Variants in RBFOX3 observed in about 807,000 individuals in gnomAD.
RBFOX3 encodes the protein RNA binding protein fox-1 homolog 3.
In RBFOX3, 17 loss-of-function variants were observed where a neutral mutation model predicts 48.7. The observed-to-expected ratio is 0.35, with a 90% CI of 0.24 to 0.52. The LOEUF (loss-of-function observed/expected upper bound fraction) is 0.52. Among genes scored for constraint, RBFOX3 ranks in the 20% least tolerant of loss-of-function variants. The pLI, the probability that RBFOX3 is intolerant of heterozygous loss-of-function variation, is 0.94. For missense variants in RBFOX3, 382 were observed against 497.5 expected, an observed-to-expected ratio of 0.77 and a Z score of 2.21; for synonymous variants, 212 against 209.5, an observed-to-expected ratio of 1.01 and a Z score of -0.10.
chr17:79,395,637 G>T (rs2061898403), intron 2 of RBFOX3, among the ~76,000 whole-genome samples: 1 of 152,214 alleles, frequency 6.6e-6, no homozygotes, highest in Admixed American at 6.5e-5. Flanking sequence ...TGATCCAGGG[G>T]CTTCCAGTGG....
intron 2 of RBFOX3, among the ~76,000 whole-genome samples, chr17:79,458,196 C>T (rs1222526960): frequency 2.0e-5 from 3 of 152,248 alleles, no homozygotes; most frequent in African/African-American, 4.8e-5. Context: ...TCGGCGCACA[C>T]GGTTACCCTT....
chr17:79,354,739 G>A (rs561692641), intron 2 of RBFOX3, among the ~76,000 whole-genome samples: 8 of 152,320 alleles, frequency 5.3e-5, no homozygotes, highest in Non-Finnish European at 8.8e-5. Context: ...AGAGACTCAG[G>A]CACAGGGACC....
intron 4 of RBFOX3, among the ~76,000 whole-genome samples, chr17:79,210,941 C>T (rs2058297923): frequency 6.6e-6 from 1 of 152,026 alleles, no homozygotes; most frequent in Non-Finnish European, 1.5e-5. Flanking sequence ...CAGTGTCCTG[C>T]ACAGGTGTCC....
rs899762833 is a variant in RBFOX3 at position 79,242,134 on chromosome 17, C to T, written c.-73-6329G>A. On this transcript the variant is annotated intron_variant, in intron 3 of 14. Transcript: ENST00000693108. The surrounding 1 kb of genome is among the most constrained non-coding windows in gnomAD (Gnocchi z 5.8). ...GATTTATTTGGCATTGTACGAGTTC[C>T]TGCAGCAGAGGCACTGGTGCCAGGA... 6.6e-6 allele frequency among the ~76,000 whole-genome samples: 1 copy of T among 152,170 alleles called. No individual in the cohort carries two copies. The highest frequency in any genetic ancestry group is 1.5e-5 in the Non-Finnish European group (1 of 68,042).
At chr17:79,511,962 G>A (rs1599000888) in intron 1 of RBFOX3, among the ~76,000 whole-genome samples, 5 of 147,902 alleles carry the variant, frequency 3.4e-5, no homozygotes, top group African/African-American at 1.0e-4. Flanking sequence ...ATGGCCAGGG[G>A]ACACCCACCC....
At chr17:79,338,663 G>C (rs1335504252) in intron 2 of RBFOX3, among the ~76,000 whole-genome samples, 4 of 152,150 alleles carry the variant, frequency 2.6e-5, no homozygotes, top group African/African-American at 4.8e-5. Context: ...TAGAATCTGT[G>C]AGTTTACCAT....
chr17:79,551,763 C>T (rs997409081), intron 1 of RBFOX3, among the ~76,000 whole-genome samples: 204 of 152,274 alleles, frequency 1.3e-3, no homozygotes, highest in Non-Finnish European at 2.2e-3. Flanking sequence ...TCCTCTCTCA[C>T]CATGTGACAC....
intron 1 of RBFOX3, among the ~76,000 whole-genome samples, chr17:79,607,569 A>G (rs1419058868): frequency 1.3e-5 from 2 of 152,262 alleles, no homozygotes; most frequent in Admixed American, 6.5e-5. Flanking sequence ...AGCGTGACTT[A>G]TGCATTCCTT....
intron 3 of RBFOX3, among the ~76,000 whole-genome samples, chr17:79,295,932 G>A (rs1196333294): frequency 6.6e-6 from 1 of 152,050 alleles, no homozygotes; most frequent in Non-Finnish European, 1.5e-5. Context: ...TAATTGATGA[G>A]ACTTAAATAA....
chr17:79,091,832 G>A (rs1044214812), intron 14 of RBFOX3: 7 of 511,692 alleles, frequency 1.4e-5, no homozygotes, highest in African/African-American at 4.2e-5. Context: ...CGACCAGGAC[G>A]TGCCTTTCCA....
intron 2 of RBFOX3, among the ~76,000 whole-genome samples, chr17:79,340,090 G>A (rs773927380): frequency 2.0e-5 from 3 of 152,158 alleles, no homozygotes; most frequent in Non-Finnish European, 4.4e-5. Context: ...CCTGAGGCCA[G>A]GAGTTCGAGA....
intron 1 of RBFOX3, among the ~76,000 whole-genome samples, chr17:79,518,391 T>A (rs1188432924): frequency 1.3e-5 from 2 of 152,196 alleles, no homozygotes; most frequent in African/African-American, 4.8e-5. Flanking sequence ...CAGGCGGGGA[T>A]GGGGGCGCCT....
intron 1 of RBFOX3, among the ~76,000 whole-genome samples, chr17:79,544,873 AC>A (rs2090185004): frequency 6.7e-6 from 1 of 149,972 alleles, no homozygotes; most frequent in Non-Finnish European, 1.5e-5. Context: ...CAACACCCGC[AC>A]CCCAAACTCA....
chr17:79,597,827 C>A (rs2093605839), intron 1 of RBFOX3, among the ~76,000 whole-genome samples: 2 of 152,248 alleles, frequency 1.3e-5, no homozygotes, highest in Non-Finnish European at 2.9e-5. Context: ...ACCTGCCACT[C>A]TGTCCATCCC....
In RBFOX3 at chr17:79,517,010, T is replaced by G. The variant is rs1400168295; in HGVS notation, c.-319-34412A>C. Among the ~76,000 whole-genome samples the G allele has an allele frequency of 2.6e-5, 4 of 151,656 alleles. No homozygotes were observed. The South Asian group carries it at 8.4e-4, about 32-fold the overall frequency. ...GCCGGTGTTTCATAGGGGCCGAGCTTTGGTTGGGGAAGATGAGAACGTTCT... is the reference window on the plus strand; with the variant it reads ...GCCGGTGTTTCATAGGGGCCGAGCTGTGGTTGGGGAAGATGAGAACGTTCT... On this transcript the variant is annotated intron_variant, in intron 1 of 14. Transcript: ENST00000693108.
At chr17:79,389,302 A>G (rs141500066) in intron 2 of RBFOX3, among the ~76,000 whole-genome samples, 22 of 152,144 alleles carry the variant, frequency 1.4e-4, no homozygotes, top group Non-Finnish European at 2.2e-4. Flanking sequence ...AGGTCTGGGG[A>G]CCCCTAGAAT....
the RBFOX3 span, among the ~76,000 whole-genome samples, chr17:79,620,245 AT>A: frequency 6.7e-6 from 1 of 149,464 alleles, no homozygotes; most frequent in Non-Finnish European, 1.5e-5. Flanking sequence ...ACATGCACAC[AT>A]ACGCACATGC....
the RBFOX3 span, among the ~76,000 whole-genome samples, chr17:79,630,559 T>C: frequency 6.6e-6 from 1 of 152,286 alleles, no homozygotes; most frequent in Middle Eastern, 3.4e-3. Context: ...GCTCTCCAAA[T>C]GCCAGTGGAG....
chr17:79,210,981 C>T (rs146678492), intron 4 of RBFOX3, among the ~76,000 whole-genome samples: 1 of 151,910 alleles, frequency 6.6e-6, no homozygotes, highest in South Asian at 2.1e-4. Context: ...TACAAATAAA[C>T]AGGAGGAGGT....
Sources: gnomAD v4.1 joint callset for allele counts (sites outside exome capture counted in the v4.1 genomes callset) on GRCh38, gnomAD v4.1.1 for gene constraint, Gnocchi (gnomAD v3.1) non-coding constraint, MANE v1.5 for transcripts, NCBI Gene and HGNC (gene_info 2026-07-23, HGNC 2026-07-21) for gene names.